Variants in TRIM11 observed in about 807,000 individuals in gnomAD.
The protein encoded by TRIM11 is E3 ubiquitin-protein ligase TRIM11.
Under a neutral mutation model 33.4 loss-of-function variants are expected in TRIM11, and 15 were observed. That is an observed-to-expected ratio of 0.45 (90% CI 0.30 to 0.69). The LOEUF (loss-of-function observed/expected upper bound fraction) is 0.69. Among genes scored for constraint, TRIM11 ranks in the 30% least tolerant of loss-of-function variants. TRIM11 has a pLI of 0.08. For missense variants in TRIM11, 499 were observed against 667.6 expected, an observed-to-expected ratio of 0.75 and a Z score of 2.78; for synonymous variants, 281 against 302.6, an observed-to-expected ratio of 0.93 and a Z score of 0.74.
chr1:228,396,774 C>A, intron 5 of TRIM11, 173 bp downstream of exon 5: 1 of 728,094 alleles, frequency 1.4e-6, no homozygotes, highest in Non-Finnish European at 2.5e-6. Flanking sequence ...TGAAAATACC[C>A]ACACAACTGA....
chr1:228,397,262 TC>T (rs2074995108), intron 3 of TRIM11, 97 bp from the exon 4 acceptor site: 1 of 1,442,618 alleles, frequency 6.9e-7, no homozygotes, highest in Admixed American at 2.2e-5. Flanking sequence ...CGTCCCCCTC[TC>T]CTACATTTGA....
Position 228,406,196 on chromosome 1 carries a change from C to A in TRIM11, c.366G>T (p.Ala122=), listed in dbSNP as rs760990720. The A allele has an allele frequency of 1.7e-5, 25 of 1,445,818 alleles. No homozygotes were observed. Among genetic ancestry groups the A allele is most frequent in the Non-Finnish European group, 2.2e-5 (24 of 1,108,296 alleles). 89.6% of individuals were successfully genotyped at this position (1,445,818 alleles called of 1,614,324 possible). A position where few individuals can be genotyped will look rare whatever the true frequency, so the allele number is the denominator to read the frequency against. The change falls in exon 1 of 6, where the codon GCG becomes GCT. Residue 122 remains alanine, a synonymous_variant. Transcript: ENST00000284551. The surrounding 1 kb of genome is among the most constrained non-coding windows in gnomAD (Gnocchi z 8.2). ...AACERSGEHW[A]HRVRPLQDAA... ...CGTCCTGCAGCGGCCGCACGCGGTG[C>A]GCCCAGTGCTCCCCAGAGCGCTCGC...
In TRIM11 at chr1:228,406,314, G is replaced by C; in HGVS notation, c.248C>G (p.Pro83Arg). ...KMAEMARRLH[P>R]PSPVPQGVCP... is the part of the protein sequence containing the mutation. Reference sequence around the variant, plus strand: ...CACGCCCTGCGGGACCGGCGACGGCGGGTGCAGGCGCCGCGCCATCTCGGC... The same window carrying C: ...CACGCCCTGCGGGACCGGCGACGGCCGGTGCAGGCGCCGCGCCATCTCGGC... The change falls in exon 1 of 6, where the codon CCG (proline) becomes CGG (arginine). Residue 83 changes from proline to arginine, a missense_variant. Coordinates refer to ENST00000284551, the MANE Select transcript of TRIM11 (RefSeq NM_145214.3). This position sits in a 1 kb window ranked among gnomAD's most constrained non-coding sequence, Gnocchi z 8.2. 6.8e-7 allele frequency: 1 copy of C among 1,469,742 alleles called. No individual in the cohort carries two copies. The allele number at this position is 1,469,742 out of a possible 1,614,324, so 91.0% of individuals were successfully genotyped here. A position where few individuals can be genotyped will look rare whatever the true frequency, so the allele number is the denominator to read the frequency against.
Position 228,406,707 on chromosome 1 carries a change from G to A in TRIM11, c.-146C>T, listed in dbSNP as rs1200466981. 7 of 748,416 alleles carry A rather than the reference G, an allele frequency of 9.4e-6. No individual in the cohort carries two copies. The East Asian group carries it at 2.5e-4, about 27-fold the overall frequency. 46.4% of individuals were successfully genotyped at this position (748,416 alleles called of 1,614,324 possible). On this transcript the variant is annotated 5_prime_UTR_variant, in exon 1 of 6. Coordinates refer to ENST00000284551, the MANE Select transcript of TRIM11 (RefSeq NM_145214.3). This position sits in a 1 kb window ranked among gnomAD's most constrained non-coding sequence, Gnocchi z 8.2. ...GAGGCTCGGGACTCCCGGGTGCTCG[G>A]GCTCCGGGGCGCGGGGACTCCAGGG...
At position 228,400,910 on chromosome 1, in the gene TRIM11, G is replaced by C; in HGVS notation, c.735+54C>G. ...GCACTTTCTGGTTCTCCCTCCCCCA[G>C]TGTGGCCAGGCCATGCCCGTGTGGC... On this transcript the variant is annotated intron_variant, in intron 3 of 5. Coordinates refer to ENST00000284551, the MANE Select transcript of TRIM11 (RefSeq NM_145214.3). The surrounding 1 kb of genome is among the most constrained non-coding windows in gnomAD (Gnocchi z 4.5). The C allele has an allele frequency of 6.9e-7, 1 of 1,457,440 alleles. No homozygotes were observed. The highest frequency in any genetic ancestry group is 9.0e-7 in the Non-Finnish European group (1 of 1,107,878). The allele number at this position is 1,457,440 out of a possible 1,614,324, so 90.3% of individuals were successfully genotyped here.
chr1:228,404,904 T>A (rs1210086421), intron 1 of TRIM11: 1 of 152,264 alleles, frequency 6.6e-6, no homozygotes, highest in Non-Finnish European at 1.5e-5. Flanking sequence ...TCAAATTGTA[T>A]GATTTTTTTT....
intron 1 of TRIM11, chr1:228,405,806 G>C (rs1303558351): frequency 4.0e-6 from 1 of 250,858 alleles, no homozygotes; most frequent in East Asian, 7.3e-5. Flanking sequence ...TGCTGGCCAG[G>C]GTATGGCCAC....
chr1:228,397,274 G>A (rs2074995219), intron 3 of TRIM11, 109 bp from the exon 4 acceptor site: 2 of 1,352,036 alleles, frequency 1.5e-6, no homozygotes, highest in African/African-American at 1.5e-5. Context: ...CTACATTTGA[G>A]CGTCAGGCAG....
At chr1:228,402,470 G>T in intron 1 of TRIM11, 1 of 239,208 alleles carries the variant, frequency 4.2e-6, no homozygotes. Flanking sequence ...GGTTCTGGCT[G>T]CCCACCCCAT....
rs1656400846 is a variant in TRIM11 at position 228,406,029 on chromosome 1, T to G, written c.408+125A>C. ...CACAGGCCCACAGCAGGCTGCATCC[T>G]GAGCTCCCCGCCCTAGACAGAGACA... On this transcript the variant is annotated intron_variant, in intron 1 of 5. Coordinates refer to ENST00000284551, the MANE Select transcript of TRIM11 (RefSeq NM_145214.3). The surrounding 1 kb of genome is among the most constrained non-coding windows in gnomAD (Gnocchi z 8.2). 2.6e-6 allele frequency: 3 copies of G among 1,153,944 alleles called. No individual in the cohort carries two copies. In the South Asian group the frequency reaches 7.6e-5, roughly 29 times the overall value. The allele number at this position is 1,153,944 out of a possible 1,614,324, so 71.5% of individuals were successfully genotyped here. A position where few individuals can be genotyped will look rare whatever the true frequency, so the allele number is the denominator to read the frequency against.
chr1:228,403,730 C>T lies in TRIM11; in HGVS notation c.409-1569G>A, dbSNP rs1282438973. ...AGTGCAGTGGCACGATCTCGGCTCA[C>T]TGCAACCTCTGCCTCCTGTGTTCAA... On this transcript the variant is annotated intron_variant, in intron 1 of 5. Coordinates refer to ENST00000284551, the MANE Select transcript of TRIM11 (RefSeq NM_145214.3). This position sits in a 1 kb window ranked among gnomAD's most constrained non-coding sequence, Gnocchi z 4.8. The T allele has an allele frequency of 1.3e-5, 2 of 152,414 alleles. No individual in the cohort carries two copies. The highest frequency in any genetic ancestry group is 3.8e-4 in the East Asian group (2 of 5,198). The allele number at this position is 152,414 out of a possible 1,614,324, so 9.4% of individuals were successfully genotyped here. A position where few individuals can be genotyped will look rare whatever the true frequency, so the allele number is the denominator to read the frequency against.
Position 228,406,640 on chromosome 1 carries a change from G to T in TRIM11, c.-79C>A. The T allele has an allele frequency of 7.6e-7, 1 of 1,310,536 alleles. No homozygotes were observed. The highest frequency in any genetic ancestry group is 9.8e-7 in the Non-Finnish European group (1 of 1,024,200). The allele number at this position is 1,310,536 out of a possible 1,614,324, so 81.2% of individuals were successfully genotyped here. A position where few individuals can be genotyped will look rare whatever the true frequency, so the allele number is the denominator to read the frequency against. On this transcript the variant is annotated 5_prime_UTR_variant, in exon 1 of 6. Transcript: ENST00000284551. This position sits in a 1 kb window ranked among gnomAD's most constrained non-coding sequence, Gnocchi z 8.2. ...CCTCGGCAGCTCGCGGGGACGCGGG[G>T]TATCCGGGTGCGGCGGCGCAGGCTC...
In TRIM11 at chr1:228,393,880, A is replaced by G. The variant is rs1238890258; in HGVS notation, c.*825T>C. ...TAGAGAGACTGCAAGGCCGGCGGCC[A>G]GCAGTGCACATCCCCAAGCAGCAGC... On this transcript the variant is annotated 3_prime_UTR_variant, in exon 6 of 6. Transcript: ENST00000284551. 1 of 152,238 alleles carries G rather than the reference A, an allele frequency of 6.6e-6. No homozygotes were observed. Among genetic ancestry groups the G allele is most frequent in the Non-Finnish European group, 1.5e-5 (1 of 68,050 alleles). The allele number at this position is 152,238 out of a possible 1,614,324, so 9.4% of individuals were successfully genotyped here. A position where few individuals can be genotyped will look rare whatever the true frequency, so the allele number is the denominator to read the frequency against.
chr1:228,395,758 C>A lies in TRIM11; in HGVS notation c.860-506G>T, dbSNP rs1013665757. 1 of 152,694 alleles carries A rather than the reference C, an allele frequency of 6.5e-6. No homozygotes were observed. Among genetic ancestry groups the A allele is most frequent in the East Asian group, 1.9e-4 (1 of 5,190 alleles). 9.5% of individuals were successfully genotyped at this position (152,694 alleles called of 1,614,324 possible). On this transcript the variant is annotated intron_variant, in intron 5 of 5. Coordinates refer to ENST00000284551, the MANE Select transcript of TRIM11 (RefSeq NM_145214.3). The surrounding 1 kb of genome is among the most constrained non-coding windows in gnomAD (Gnocchi z 4.8). Reference sequence around the variant, plus strand: ...CCCGGGTTGGTCTTGAACTGATGGCCTCAAGCAATCCTCCCGCCTGAGCCT... The same window carrying A: ...CCCGGGTTGGTCTTGAACTGATGGCATCAAGCAATCCTCCCGCCTGAGCCT...
chr1:228,399,610 C>T (rs1012627177), intron 3 of TRIM11, among the ~76,000 whole-genome samples: 3 of 152,128 alleles, frequency 2.0e-5, no homozygotes, highest in African/African-American at 7.2e-5. Flanking sequence ...GAGGGCTCCT[C>T]CTCAGTCTTC....
In TRIM11 at chr1:228,395,511, T is replaced by C. The variant is rs2074977124; in HGVS notation, c.860-259A>G. The C allele has an allele frequency of 1.3e-5, 5 of 371,046 alleles. No homozygotes were observed. The East Asian group carries it at 2.0e-4, about 15-fold the overall frequency. The allele number at this position is 371,046 out of a possible 1,614,324, so 23.0% of individuals were successfully genotyped here. ...GCCTTCAGATATCAAGAGGGAATCT[T>C]GGTTGCTTTTTTTTTTTTTTTTAAA... is the stretch of plus-strand genomic sequence containing the variant. On this transcript the variant is annotated intron_variant, in intron 5 of 5. Transcript: ENST00000284551. The surrounding 1 kb of genome is among the most constrained non-coding windows in gnomAD (Gnocchi z 4.8).
chr1:228,402,468 C>A (rs530823732), intron 1 of TRIM11: 1 of 242,234 alleles, frequency 4.1e-6, no homozygotes, highest in African/African-American at 2.3e-5. Flanking sequence ...AGGGTTCTGG[C>A]TGCCCACCCC....
chr1:228,406,173 T>C lies in TRIM11; in HGVS notation c.389A>G (p.Asp130Gly). 7.0e-7 allele frequency: 1 copy of C among 1,421,702 alleles called. No individual in the cohort carries two copies. The allele number at this position is 1,421,702 out of a possible 1,614,324, so 88.1% of individuals were successfully genotyped here. A position where few individuals can be genotyped will look rare whatever the true frequency, so the allele number is the denominator to read the frequency against. ...GAGCACCTTGAGGTCTTCGGCCGCG[T>C]CCTGCAGCGGCCGCACGCGGTGCGC... ...HWAHRVRPLQ[D>G]AAEDLKAKLE... Residue 130 changes from aspartate (D) to glycine (G), a missense_variant, in exon 1 of 6, where the codon GAC becomes GGC. Asp to Gly is a moderately conservative substitution (Grantham distance 94). Coordinates refer to ENST00000284551, the MANE Select transcript of TRIM11 (RefSeq NM_145214.3). This position sits in a 1 kb window ranked among gnomAD's most constrained non-coding sequence, Gnocchi z 8.2.
chr1:228,406,138 C>A lies in TRIM11; in HGVS notation c.408+16G>T. The A allele has an allele frequency of 7.3e-7, 1 of 1,362,476 alleles. No homozygotes were observed. The allele number at this position is 1,362,476 out of a possible 1,614,324, so 84.4% of individuals were successfully genotyped here. On this transcript the variant is annotated intron_variant, in intron 1 of 5. Coordinates refer to ENST00000284551, the MANE Select transcript of TRIM11 (RefSeq NM_145214.3). This position sits in a 1 kb window ranked among gnomAD's most constrained non-coding sequence, Gnocchi z 8.2. ...GCTCCCCGACGCCCCTGCACGCCAC[C>A]CCCGCCCAGGAGCACCTTGAGGTCT...
Sources: allele counts gnomAD v4.1 joint callset (sites outside exome capture counted in the v4.1 genomes callset), GRCh38; gene constraint gnomAD v4.1.1; non-coding constraint Gnocchi (gnomAD v3.1); transcripts MANE v1.5; gene names NCBI Gene and HGNC (gene_info 2026-07-23, HGNC 2026-07-21).